The following CMSS1 variants were observed in gnomAD, a reference collection of about 807,000 sequenced individuals.
CMSS1 encodes protein CMSS1.
Under a neutral mutation model 43.5 loss-of-function variants are expected in CMSS1, and 33 were observed. That is an observed-to-expected ratio of 0.76 (90% CI 0.57 to 1.01). The LOEUF (loss-of-function observed/expected upper bound fraction) is 1.01. CMSS1 is among the 50% of genes least tolerant of loss of function. CMSS1 has a pLI of 0.00. For synonymous variants in CMSS1, 115 were observed against 117.2 expected, an observed-to-expected ratio of 0.98 and a Z score of 0.12; for missense variants, 313 against 326.4, an observed-to-expected ratio of 0.96 and a Z score of 0.32.
chr3:99,929,718 A>G (rs1020146545), intron 1 of CMSS1: 3 of 561,896 alleles, frequency 5.3e-6, no homozygotes, highest in Non-Finnish European at 8.8e-6. Context: ...AACTTGTCGT[A>G]TTTATCTGTT....
At chr3:100,006,191 C>A (rs1709980663) in intron 1 of CMSS1, among the ~76,000 whole-genome samples, 1 of 152,160 alleles carries the variant, frequency 6.6e-6, no homozygotes, top group Admixed American at 6.6e-5. Flanking sequence ...GTAAGACAGG[C>A]TGACCCCATT....
At chr3:100,083,876 A>G (rs2065967862) in intron 1 of CMSS1, among the ~76,000 whole-genome samples, 1 of 152,140 alleles carries the variant, frequency 6.6e-6, no homozygotes. Flanking sequence ...GCCTGGCGTG[A>G]TTCTTGCCAT....
intron 1 of CMSS1, among the ~76,000 whole-genome samples, chr3:99,934,844 G>T (rs1172545110): frequency 6.6e-6 from 1 of 152,200 alleles, no homozygotes; most frequent in Non-Finnish European, 1.5e-5. Context: ...TACTGTGTTT[G>T]TTATTCTTCT....
chr3:99,943,657 T>C (rs1457855628), intron 1 of CMSS1, among the ~76,000 whole-genome samples: 2 of 151,462 alleles, frequency 1.3e-5, no homozygotes, highest in Non-Finnish European at 2.9e-5. Context: ...TGATCCGAGA[T>C]CACGCCACTG....
At chr3:99,995,995 G>A (rs534336247) in intron 1 of CMSS1, among the ~76,000 whole-genome samples, 7 of 152,260 alleles carry the variant, frequency 4.6e-5, no homozygotes, top group East Asian at 1.9e-4. Context: ...ATTAACATTC[G>A]GCTCCTTGTT....
chr3:99,924,517 G>T lies in CMSS1; in HGVS notation c.64+106474G>T, dbSNP rs764542396. 10 of 1,162,116 alleles carry T rather than the reference G, an allele frequency of 8.6e-6. No individual in the cohort carries two copies. In the East Asian group the frequency reaches 9.5e-5, roughly 11 times the overall value. 72.0% of individuals were successfully genotyped at this position (1,162,116 alleles called of 1,614,324 possible). Reference sequence around the variant, plus strand: ...ATTAATTCGGCAGTGGGTTTTTTTGGTTTTTTGTTTGTTTGTTTTGAAACA... The same window carrying T: ...ATTAATTCGGCAGTGGGTTTTTTTGTTTTTTTGTTTGTTTGTTTTGAAACA... On this transcript the variant is annotated intron_variant, in intron 1 of 9. Coordinates refer to ENST00000421999, the MANE Select transcript of CMSS1 (RefSeq NM_032359.4).
At chr3:99,882,217 A>G (rs1705752119) in intron 1 of CMSS1, among the ~76,000 whole-genome samples, 1 of 152,232 alleles carries the variant, frequency 6.6e-6, no homozygotes, top group Non-Finnish European at 1.5e-5. Flanking sequence ...TATTTTTATG[A>G]AAATTACATT....
rs145398719 is a variant in CMSS1 at position 100,035,181 on chromosome 3, A to G, written c.65-111792A>G. Among the ~76,000 whole-genome samples the G allele has an allele frequency of 8.7e-4, 132 of 152,336 alleles. 5 individuals carry two copies. The East Asian group carries it at 0.024, about 28-fold the overall frequency. Reference sequence around the variant, plus strand: ...AGCAATTTGATGATGAAAGCCATCTACATTTTCAAGTCCCTTGAACCAAAT... The same window carrying G: ...AGCAATTTGATGATGAAAGCCATCTGCATTTTCAAGTCCCTTGAACCAAAT... On this transcript the variant is annotated intron_variant, in intron 1 of 9. Transcript: ENST00000421999.
intron 1 of CMSS1, among the ~76,000 whole-genome samples, chr3:99,846,828 A>G (rs1044835250): frequency 3.3e-5 from 5 of 152,204 alleles, no homozygotes; most frequent in African/African-American, 9.6e-5. Flanking sequence ...AAAATCAATA[A>G]CTGGCAATAA....
chr3:99,846,029 G>C (rs1943349316), intron 1 of CMSS1, among the ~76,000 whole-genome samples: 1 of 152,162 alleles, frequency 6.6e-6, no homozygotes, highest in Middle Eastern at 3.2e-3. Context: ...CTTTATTATA[G>C]AGAATTTCTG....
intron 1 of CMSS1, among the ~76,000 whole-genome samples, chr3:100,144,553 C>T (rs1271452812): frequency 2.0e-5 from 3 of 152,162 alleles, no homozygotes; most frequent in Non-Finnish European, 4.4e-5. Context: ...GAGATGGAGC[C>T]TTCAGGGGTC....
At chr3:99,819,757 CTTT>C (rs551286788) in intron 1 of CMSS1, among the ~76,000 whole-genome samples, 5 of 136,012 alleles carry the variant, frequency 3.7e-5, no homozygotes, top group Non-Finnish European at 4.8e-5. Flanking sequence ...TTTTTTTTTT[CTTT>C]TTTTTTTTTT....
At chr3:99,970,948 A>G (rs1290327900) in intron 1 of CMSS1, among the ~76,000 whole-genome samples, 1 of 152,232 alleles carries the variant, frequency 6.6e-6, no homozygotes, top group African/African-American at 2.4e-5. Flanking sequence ...GTGAAGGAAT[A>G]GGGCTTGGCA....
chr3:100,096,507 G>A (rs750797409), intron 1 of CMSS1, among the ~76,000 whole-genome samples: 7 of 152,020 alleles, frequency 4.6e-5, no homozygotes, highest in East Asian at 3.8e-4. Context: ...AATAAGCCAC[G>A]CACAAAAAGA....
intron 8 of CMSS1, among the ~76,000 whole-genome samples, chr3:100,174,593 T>C (rs1209720973): frequency 1.3e-5 from 2 of 152,212 alleles, no homozygotes; most frequent in African/African-American, 4.8e-5. Context: ...TTCATATTCA[T>C]TAACCACAGG....
chr3:100,102,201 C>T (rs2066320822), intron 1 of CMSS1, among the ~76,000 whole-genome samples: 1 of 152,220 alleles, frequency 6.6e-6, no homozygotes, highest in African/African-American at 2.4e-5. Flanking sequence ...ACCACACCGA[C>T]TTCCACAATG....
At chr3:100,064,134 T>C (rs1175024462) in intron 1 of CMSS1, among the ~76,000 whole-genome samples, 1 of 152,188 alleles carries the variant, frequency 6.6e-6, no homozygotes, top group African/African-American at 2.4e-5. Flanking sequence ...GAAAGTGAAT[T>C]TGAGGTCTGC....
At chr3:100,013,107 G>C (rs1304042154) in intron 1 of CMSS1, among the ~76,000 whole-genome samples, 1 of 151,994 alleles carries the variant, frequency 6.6e-6, no homozygotes, top group Non-Finnish European at 1.5e-5. Context: ...GAACTCCTGG[G>C]CTCAAGCAGT....
At chr3:99,832,702 G>T (rs1385439445) in intron 1 of CMSS1, among the ~76,000 whole-genome samples, 4 of 130,632 alleles carry the variant, frequency 3.1e-5, no homozygotes, top group African/African-American at 9.1e-5. Context: ...ACAGCCGGGC[G>T]TCGTGGCGCA....
Sources: gnomAD v4.1 joint callset for allele counts (sites outside exome capture counted in the v4.1 genomes callset) on GRCh38, gnomAD v4.1.1 for gene constraint, MANE v1.5 for transcripts, NCBI Gene and HGNC (gene_info 2026-07-23, HGNC 2026-07-21) for gene names.